Variants in IL1RAPL1 observed in about 807,000 individuals in gnomAD.
IL1RAPL1 encodes the protein interleukin 1 receptor accessory protein like 1.
IL1RAPL1 carries 3 observed loss-of-function variants against 48.4 expected under a neutral mutation model. That is an observed-to-expected ratio of 0.06 (90% confidence interval 0.03 to 0.16). IL1RAPL1 has a LOEUF of 0.16. IL1RAPL1 is among the 10% of genes least tolerant of loss of function. IL1RAPL1 has a pLI of 1.00. For missense variants in IL1RAPL1, 349 were observed against 530.6 expected, an observed-to-expected ratio of 0.66 and a Z score of 3.36; for synonymous variants, 185 against 187.7, an observed-to-expected ratio of 0.99 and a Z score of 0.12.
intron 9 of IL1RAPL1, among the ~76,000 whole-genome samples, chrX:29,953,239 A>G (rs1462085313): frequency 8.9e-6 from 1 of 111,985 alleles, no homozygotes; most frequent in Non-Finnish European, 1.9e-5. Context: ...GGGAAGTGCA[A>G]TAGAGAGCTA....
chrX:28,704,583 A>T (rs1327536879), intron 1 of IL1RAPL1, among the ~76,000 whole-genome samples: 1 of 108,606 alleles, frequency 9.2e-6, no homozygotes, highest in East Asian at 2.9e-4. Flanking sequence ...TAAGTAGATC[A>T]TAAGGTAAAA....
At chrX:29,076,794 G>GTCTATCTA (rs770331923) in intron 2 of IL1RAPL1, among the ~76,000 whole-genome samples, 24 of 34,678 alleles carry the variant, frequency 6.9e-4, no homozygotes, top group Admixed American at 1.2e-3. Flanking sequence ...CTGTCTGTCT[G>GTCTATCTA]TCTGTCTGTC....
In IL1RAPL1 at chrX:29,380,026, T is replaced by C. The variant is rs1351977855; in HGVS notation, c.363-16232T>C. On this transcript the variant is annotated intron_variant, in intron 3 of 10. Transcript: ENST00000378993. ...AGACAAATATAAGCGGTATTTGTCT[T>C]TCTGTACCTGACCTATTTCACTTAA... is the stretch of plus-strand genomic sequence containing the variant. Among the ~76,000 whole-genome samples the C allele has an allele frequency of 4.5e-5, 5 of 111,426 alleles. No homozygotes were observed. The Admixed American group carries it at 4.8e-4, about 11-fold the overall frequency.
chrX:29,116,931 G>A (rs1928689168), intron 2 of IL1RAPL1, among the ~76,000 whole-genome samples: 1 of 111,603 alleles, frequency 9.0e-6, no homozygotes, highest in Non-Finnish European at 1.9e-5. Flanking sequence ...TACTGAGATA[G>A]ATATTTCATA....
chrX:28,742,956 T>G (rs939286659), intron 1 of IL1RAPL1, among the ~76,000 whole-genome samples: 8 of 111,929 alleles, frequency 7.1e-5, no homozygotes, highest in African/African-American at 2.6e-4. Flanking sequence ...TCTTGGGGCT[T>G]TGGTAGAAAC....
At chrX:29,294,445 G>A (rs977174048) in intron 3 of IL1RAPL1, among the ~76,000 whole-genome samples, 7 of 107,045 alleles carry the variant, frequency 6.5e-5, no homozygotes, top group African/African-American at 1.0e-4. Flanking sequence ...GAAGAATGGC[G>A]TGAACCCGGG....
rs59015501 is a variant in IL1RAPL1, at chrX:28,996,620, T to TTGTGTGTGTGTG, written c.82+207204_82+207215dup. 7.9e-3 allele frequency among the ~76,000 whole-genome samples: 853 copies of TTGTGTGTGTGTG among 108,369 alleles called. 10 individuals are homozygous for TTGTGTGTGTGTG. Among genetic ancestry groups the TTGTGTGTGTGTG allele is most frequent in the African/African-American group, 0.027 (813 of 29,658 alleles). The allele number at this position is 108,369 out of a possible 115,157, so 94.1% of individuals were successfully genotyped here. On this transcript the variant is annotated intron_variant, in intron 2 of 10. Coordinates refer to ENST00000378993, the MANE Select transcript of IL1RAPL1 (RefSeq NM_014271.4). ...TTGATCTCCACCAACAATTGTTATT[T>TTGTGTGTGTGTG]TGTGTGTGTGTGTGTGTGTGATACA...
intron 2 of IL1RAPL1, among the ~76,000 whole-genome samples, chrX:29,033,801 T>C (rs1926670699): frequency 9.0e-6 from 1 of 110,548 alleles, no homozygotes; most frequent in Non-Finnish European, 1.9e-5. Flanking sequence ...ATGTAAGATA[T>C]TTTAAAGCTC....
At position 29,668,504 on chromosome X, in the gene IL1RAPL1, G is replaced by A. The variant is rs979582597; in HGVS notation, c.778G>A (p.Gly260Ser). ...SKLTIQETQL[G>S]DSANLTCRAF... is the part of the protein sequence containing the mutation. ...ACTGACAATTCAGGAGACCCAGCTG[G>A]GTGAGTAATTCCTTAATTCTAGTTA... The change falls in exon 6 of 11, where the codon GGT becomes AGT. Residue 260 changes from glycine (G) to serine (S), a missense_variant and splice_region_variant. By Grantham distance (56) the Gly-to-Ser change is moderately conservative. Around this residue, in one of 3 missense-constraint regions of IL1RAPL1, gnomAD observed 238 missense variants for 337.8 expected, o/e 0.70. Transcript: ENST00000378993. 1.7e-6 allele frequency: 2 copies of A among 1,177,106 alleles called. No homozygotes were observed. Among genetic ancestry groups the A allele is most frequent in the Admixed American group, 2.2e-5 (1 of 45,771 alleles).
chrX:29,198,498 G>C (rs886404722), intron 2 of IL1RAPL1, among the ~76,000 whole-genome samples: 1 of 109,831 alleles, frequency 9.1e-6, no homozygotes, highest in Admixed American at 9.8e-5. Flanking sequence ...GTTTCACCAT[G>C]TTGGCCAGGC....
rs1205888709 is a variant in IL1RAPL1 at position 29,376,930 on chromosome X, G to C, written c.363-19328G>C. Among the ~76,000 whole-genome samples, 3 of 111,763 alleles carry C rather than the reference G, an allele frequency of 2.7e-5. No homozygotes were observed. In the South Asian group the frequency reaches 1.1e-3, roughly 41 times the overall value. On this transcript the variant is annotated intron_variant, in intron 3 of 10. Transcript: ENST00000378993. ...TGTCAAGTATAAGCCTTGATGATCT[G>C]TTTATCACCCTGCTGTCAGTGGGTA...
chrX:29,406,893 T>G lies in IL1RAPL1; in HGVS notation c.703+7585T>G, dbSNP rs766825446. ...AACTTCTCTTCCTTGACAAAAGTCATTACGTTTTTTGTTGGAAGATATGTC... is the reference window on the plus strand; with the variant it reads ...AACTTCTCTTCCTTGACAAAAGTCAGTACGTTTTTTGTTGGAAGATATGTC... On this transcript the variant is annotated intron_variant, in intron 5 of 10. Transcript: ENST00000378993. 7.1e-5 allele frequency among the ~76,000 whole-genome samples: 8 copies of G among 111,933 alleles called. No homozygotes were observed. In the East Asian group the frequency reaches 1.7e-3, roughly 23 times the overall value.
intron 5 of IL1RAPL1, among the ~76,000 whole-genome samples, chrX:29,412,156 A>G (rs1002784464): frequency 1.8e-5 from 2 of 111,316 alleles, no homozygotes; most frequent in Non-Finnish European, 3.8e-5. Context: ...CTGTAGTCCC[A>G]GCTACTCAGG....
intron 3 of IL1RAPL1, among the ~76,000 whole-genome samples, chrX:29,310,499 C>T (rs73460485): frequency 0.077 from 8,533 of 110,628 alleles, 841 homozygotes; most frequent in African/African-American, 0.27. Context: ...AGGAGAAGAA[C>T]AAATAGAAAT....
chrX:28,689,064 A>G (rs1357968851), intron 1 of IL1RAPL1, among the ~76,000 whole-genome samples: 1 of 111,516 alleles, frequency 9.0e-6, no homozygotes, highest in Non-Finnish European at 1.9e-5. Flanking sequence ...TGTCCTATAT[A>G]GAACCAAGAT....
chrX:29,023,309 A>T (rs752030895), intron 2 of IL1RAPL1, among the ~76,000 whole-genome samples: 1 of 112,423 alleles, frequency 8.9e-6, no homozygotes, highest in South Asian at 3.7e-4. Context: ...ATGTGCAGTT[A>T]CATTGTAATG....
chrX:28,686,522 A>G (rs1394739643), intron 1 of IL1RAPL1, among the ~76,000 whole-genome samples: 2 of 111,986 alleles, frequency 1.8e-5, no homozygotes, highest in African/African-American at 6.5e-5. Flanking sequence ...GGTTAGCTGC[A>G]TATCTCTTGT....
intron 5 of IL1RAPL1, among the ~76,000 whole-genome samples, chrX:29,566,139 C>T (rs1922397699): frequency 9.0e-6 from 1 of 111,569 alleles, no homozygotes; most frequent in Non-Finnish European, 1.9e-5. Flanking sequence ...CGGGGTTTCA[C>T]CGTGTTAGCC....
intron 6 of IL1RAPL1, among the ~76,000 whole-genome samples, chrX:29,718,197 T>C (rs1927534011): frequency 9.0e-6 from 1 of 111,057 alleles, no homozygotes; most frequent in East Asian, 2.8e-4. Context: ...AAGGAAGTTA[T>C]AGAAGCAGTA....
Sources: gnomAD v4.1 joint callset for allele counts (sites outside exome capture counted in the v4.1 genomes callset) on GRCh38, gnomAD v4.1.1 for gene constraint, gnomAD v4.1.1 regional missense constraint, MANE v1.5 for transcripts, NCBI Gene and HGNC (gene_info 2026-07-23, HGNC 2026-07-21) for gene names.